The following DAAM1 variants were observed in gnomAD, a reference collection of about 807,000 sequenced individuals.
DAAM1 encodes the protein dishevelled associated activator of morphogenesis 1.
In DAAM1, 52 loss-of-function variants were observed where a neutral mutation model predicts 130.0. The observed-to-expected ratio is 0.40, with a 90% CI of 0.32 to 0.50. The LOEUF (loss-of-function observed/expected upper bound fraction) is 0.50, where lower values mean the gene tolerates loss of function less well. Among genes scored for constraint, DAAM1 ranks in the 20% least tolerant of loss-of-function variants. DAAM1 has a pLI of 0.61. For missense variants in DAAM1, 1,134 were observed against 1,303.8 expected (o/e 0.87, Z 2.01); for synonymous variants, 452 against 444.5 (o/e 1.02, Z -0.21).
At position 59,263,490 on chromosome 14, in the gene DAAM1, A is replaced by G. The variant is rs1051918484; in HGVS notation, c.13A>G (p.Lys5Glu). The G allele has an allele frequency of 1.2e-6, 2 of 1,614,114 alleles. No homozygotes were observed. Among genetic ancestry groups the G allele is most frequent in the African/African-American group, 2.7e-5 (2 of 74,948 alleles). The change falls in exon 2 of 25, where the codon AAG becomes GAG. Residue 5 changes from lysine (K) to glutamate (E), a missense_variant. Lys to Glu is a moderately conservative substitution (Grantham distance 56, BLOSUM62 1). Coordinates refer to ENST00000360909, the MANE Select transcript of DAAM1 (RefSeq NM_001270520.2). MAPR[K>E]RGGRGISFIF... ...ACAGAATTCAGCCATGGCCCCAAGA[A>G]AGAGAGGTGGACGAGGTATTTCATT...
At chr14:59,283,254 G>A (rs2139547830) in intron 2 of DAAM1, among the ~76,000 whole-genome samples, 1 of 152,232 alleles carries the variant, frequency 6.6e-6, no homozygotes, top group South Asian at 2.1e-4. Context: ...TAATTGACCT[G>A]ATTGTTGAGA....
intron 1 of DAAM1, among the ~76,000 whole-genome samples, chr14:59,195,522 G>T (rs1887862217): frequency 1.3e-5 from 2 of 152,098 alleles, no homozygotes; most frequent in South Asian, 2.1e-4. Flanking sequence ...ATTACACCAG[G>T]ATTGGGGTTT....
chr14:59,337,573 A>C (rs76542896), intron 15 of DAAM1, among the ~76,000 whole-genome samples: 2,003 of 152,362 alleles, frequency 0.013, 11 homozygotes, highest in Non-Finnish European at 0.021. Context: ...TTGCAAAAAT[A>C]TGCAACGTAT....
intron 5 of DAAM1, among the ~76,000 whole-genome samples, chr14:59,321,007 C>T (rs1884983773): frequency 6.6e-6 from 1 of 152,072 alleles, no homozygotes; most frequent in Non-Finnish European, 1.5e-5. Flanking sequence ...AACATGTATG[C>T]AGATGTTCAT....
rs745993473 is a variant in DAAM1, at chr14:59,368,877, T to C, written c.*18T>C. On this transcript the variant is annotated 3_prime_UTR_variant, in exon 25 of 25. Coordinates refer to ENST00000360909, the MANE Select transcript of DAAM1 (RefSeq NM_001270520.2). ...ATTTCTAATTTTCCATGAATACTTT[T>C]TTTTAGAAAGCTCATTAGCAGCCCT... 1.9e-6 allele frequency: 3 copies of C among 1,610,996 alleles called. No homozygotes were observed. The highest frequency in any genetic ancestry group is 2.5e-6 in the Non-Finnish European group (3 of 1,178,090).
chr14:59,213,479 G>A (rs994432114), intron 1 of DAAM1, among the ~76,000 whole-genome samples: 17 of 152,050 alleles, frequency 1.1e-4, no homozygotes, highest in African/African-American at 4.1e-4. Flanking sequence ...CCAGGTTGAG[G>A]ACTCTGATTG....
At chr14:59,273,400 G>A (rs561155904) in intron 2 of DAAM1, among the ~76,000 whole-genome samples, 1 of 152,272 alleles carries the variant, frequency 6.6e-6, no homozygotes, top group Non-Finnish European at 1.5e-5. Context: ...AGCATGAAGA[G>A]GTGGAGGAAA....
intron 1 of DAAM1, among the ~76,000 whole-genome samples, chr14:59,200,220 A>G (rs1401684028): frequency 3.3e-5 from 5 of 152,172 alleles, no homozygotes; most frequent in Non-Finnish European, 5.9e-5. Context: ...GGGTAAGCCC[A>G]GCAGATCTAG....
intron 17 of DAAM1, among the ~76,000 whole-genome samples, chr14:59,351,229 C>G (rs543454490): frequency 6.6e-6 from 1 of 152,272 alleles, no homozygotes; most frequent in East Asian, 1.9e-4. Flanking sequence ...AATCTGTCCA[C>G]TAGCTCCACC....
chr14:59,206,327 G>C (rs1199203832), intron 1 of DAAM1, among the ~76,000 whole-genome samples: 3 of 152,076 alleles, frequency 2.0e-5, no homozygotes, highest in African/African-American at 7.2e-5. Context: ...CCAGTCTGGA[G>C]TACAGTGGTG....
intron 9 of DAAM1, 69 bp downstream of exon 9, chr14:59,325,799 GT>G (rs1410950684): frequency 1.9e-6 from 3 of 1,582,478 alleles, no homozygotes; most frequent in Non-Finnish European, 2.6e-6. Flanking sequence ...AATGTGTGTT[GT>G]AGAGTCCACA....
At chr14:59,227,883 C>T (rs2139438449) in intron 1 of DAAM1, among the ~76,000 whole-genome samples, 1 of 152,268 alleles carries the variant, frequency 6.6e-6, no homozygotes, top group East Asian at 1.9e-4. Context: ...CAGGCTATCC[C>T]AGTGAGACGC....
intron 1 of DAAM1, among the ~76,000 whole-genome samples, chr14:59,250,147 C>A (rs117459198): frequency 6.6e-6 from 1 of 152,062 alleles, no homozygotes; most frequent in African/African-American, 2.4e-5. Flanking sequence ...GCCCTGAGAC[C>A]GTTTGAAGAA....
At chr14:59,311,795 C>T (rs563919685) in intron 3 of DAAM1, among the ~76,000 whole-genome samples, 145 of 152,228 alleles carry the variant, frequency 9.5e-4, no homozygotes, top group African/African-American at 3.3e-3. Flanking sequence ...CTCAAGTGAT[C>T]CTCCCACCTC....
rs113006598 is a variant in DAAM1 at position 59,223,933 on chromosome 14, C to G, written c.-38+35165C>G. 2.0e-5 allele frequency among the ~76,000 whole-genome samples: 3 copies of G among 152,312 alleles called. 1 individual carries two copies. Among genetic ancestry groups the G allele is most frequent in the African/African-American group, 7.2e-5 (3 of 41,556 alleles). On this transcript the variant is annotated intron_variant, in intron 1 of 24. Coordinates refer to ENST00000360909, the MANE Select transcript of DAAM1 (RefSeq NM_001270520.2). The stretch of plus-strand genomic sequence containing the variant: ...AGTCTGGAGTAGTTGCTGCTTCTCA[C>G]TCACTAGATTCAGTCAGCATAATGT...
intron 12 of DAAM1, among the ~76,000 whole-genome samples, chr14:59,327,277 T>G (rs925775939): frequency 6.6e-6 from 1 of 152,066 alleles, no homozygotes; most frequent in Non-Finnish European, 1.5e-5. Context: ...TCTTAACTAC[T>G]AATAATTCAA....
chr14:59,231,816 C>G (rs891930833), intron 1 of DAAM1, among the ~76,000 whole-genome samples: 1 of 152,184 alleles, frequency 6.6e-6, no homozygotes, highest in Admixed American at 6.5e-5. Flanking sequence ...TCTACCAAAG[C>G]ATATAAGTGG....
intron 1 of DAAM1, among the ~76,000 whole-genome samples, chr14:59,221,151 T>C (rs1888758860): frequency 6.6e-6 from 1 of 152,212 alleles, no homozygotes; most frequent in African/African-American, 2.4e-5. Flanking sequence ...AAAGTGCACT[T>C]ATCCCTTCTC....
intron 2 of DAAM1, among the ~76,000 whole-genome samples, chr14:59,286,538 A>G (rs1330208542): frequency 6.6e-6 from 1 of 152,126 alleles, no homozygotes; most frequent in Admixed American, 6.6e-5. Context: ...TGCTAGCTAG[A>G]TTAATAAGGG....
Sources: allele counts gnomAD v4.1 joint callset (sites outside exome capture counted in the v4.1 genomes callset), GRCh38; gene constraint gnomAD v4.1.1; transcripts MANE v1.5; gene names NCBI Gene and HGNC (gene_info 2026-07-23, HGNC 2026-07-21).